DNAJC3: variants seen among roughly 807,000 people sequenced by gnomAD.
The protein encoded by DNAJC3 is DnaJ heat shock protein family (Hsp40) member C3.
A neutral mutation model predicts 68.6 loss-of-function variants in DNAJC3; 38 were observed. The ratio of observed to expected loss-of-function variants is 0.55; its 90% CI spans 0.43 to 0.73. The LOEUF (loss-of-function observed/expected upper bound fraction) is 0.73, where lower values mean the gene tolerates loss of function less well. Ranked by LOEUF, DNAJC3 falls within the 30% of genes least tolerant of loss-of-function variation. DNAJC3 has a pLI of 0.00. For synonymous variants in DNAJC3, 203 were observed against 204.0 expected, an observed-to-expected ratio of 1.00 and a Z score of 0.04; for missense variants, 526 against 591.9, an observed-to-expected ratio of 0.89 and a Z score of 1.16.
intron 1 of DNAJC3, among the ~76,000 whole-genome samples, chr13:95,688,927 G>GGGGTGTGTGT (rs1555321769): frequency 3.1e-5 from 4 of 129,670 alleles, no homozygotes; most frequent in African/African-American, 1.2e-4. Context: ...TGATTGTGTG[G>GGGGTGTGTGT]GTGTGTGTGT....
intron 1 of DNAJC3, among the ~76,000 whole-genome samples, chr13:95,706,404 T>C (rs1880750149): frequency 6.6e-6 from 1 of 152,262 alleles, no homozygotes; most frequent in African/African-American, 2.4e-5. Context: ...TTCACCCTCC[T>C]GGTCTAGCAC....
chr13:95,738,188 T>C (rs992839947), intron 4 of DNAJC3, among the ~76,000 whole-genome samples: 2 of 148,182 alleles, frequency 1.3e-5, no homozygotes, highest in Admixed American at 6.8e-5. Flanking sequence ...GTCTGAGAGA[T>C]AGTTTGTTAT....
chr13:95,709,207 G>T lies in DNAJC3; in HGVS notation c.83-20G>T. The stretch of plus-strand genomic sequence containing the variant: ...TTAGTTCGTGGAAAGTTAACTGATT[G>T]TTTTTAATTTTATTTTTAGGTGCTG... On this transcript the variant is annotated intron_variant, in intron 1 of 11. Transcript: ENST00000602402. The T allele has an allele frequency of 1.1e-5, 17 of 1,487,948 alleles. No individual in the cohort carries two copies. The highest frequency in any genetic ancestry group is 1.5e-5 in the Non-Finnish European group (17 of 1,110,194). 92.2% of individuals were successfully genotyped at this position (1,487,948 alleles called of 1,614,324 possible).
rs1321381104 is a variant in DNAJC3, at chr13:95,723,323, C to T, written c.275C>T (p.Pro92Leu). 2.5e-6 allele frequency: 4 copies of T among 1,611,400 alleles called. No homozygotes were observed. The Admixed American group carries it at 6.7e-5, about 27-fold the overall frequency. Residue 92 changes from proline (P) to leucine (L), a missense_variant, in exon 3 of 12, where the codon CCT becomes CTT. By Grantham distance (98) the Pro-to-Leu change is moderately conservative (BLOSUM62 -3). Transcript: ENST00000602402. ...LAMGKSKAAL[P>L]DLTKVIQLKM... ...ATGGGCAAATCAAAAGCTGCACTTCCTGATTTAACTAAAGTGATTCAATTG... is the reference window on the plus strand; with the variant it reads ...ATGGGCAAATCAAAAGCTGCACTTCTTGATTTAACTAAAGTGATTCAATTG...
intron 4 of DNAJC3, among the ~76,000 whole-genome samples, chr13:95,757,032 C>G (rs1008296276): frequency 1.3e-5 from 2 of 152,094 alleles, no homozygotes; most frequent in African/African-American, 4.8e-5. Context: ...TAAATTATGT[C>G]TTTATAAAGT....
intron 1 of DNAJC3, chr13:95,692,531 A>G (rs1260200314): frequency 4.6e-5 from 7 of 152,080 alleles, no homozygotes; most frequent in African/African-American, 1.7e-4. Context: ...ATAAATAATA[A>G]TAACCCCAGG....
Position 95,679,349 on chromosome 13 carries a change from A to T in DNAJC3, c.82+2012A>T, listed in dbSNP as rs573636715. On this transcript the variant is annotated intron_variant, in intron 1 of 11. Coordinates refer to ENST00000602402, the MANE Select transcript of DNAJC3 (RefSeq NM_006260.5). Reference sequence around the variant, plus strand: ...GTACCCCACTTACAGAGTTTGATTCATTAGGTCTTGATGGGACCTGAAATT... The same window carrying T: ...GTACCCCACTTACAGAGTTTGATTCTTTAGGTCTTGATGGGACCTGAAATT... Among the ~76,000 whole-genome samples the T allele has an allele frequency of 9.9e-5, 15 of 152,206 alleles. 1 individual carries two copies. In the South Asian group the frequency reaches 2.5e-3, roughly 25 times the overall value.
At chr13:95,710,511 A>G (rs909390479) in intron 2 of DNAJC3, among the ~76,000 whole-genome samples, 6 of 152,120 alleles carry the variant, frequency 3.9e-5, no homozygotes, top group African/African-American at 1.4e-4. Context: ...GATTGTATGC[A>G]TGAGCCACCA....
At chr13:95,772,965 G>GT (rs1883194169) in intron 9 of DNAJC3, among the ~76,000 whole-genome samples, 1 of 152,106 alleles carries the variant, frequency 6.6e-6, no homozygotes, top group Non-Finnish European at 1.5e-5. Context: ...AGAGTTCAGT[G>GT]TTAAGGATGT....
rs1010497823 is a variant in DNAJC3 at position 95,794,771 on chromosome 13, A to G, written c.*3741A>G. The G allele has an allele frequency of 6.6e-6, 1 of 152,230 alleles. No individual in the cohort carries two copies. The highest frequency in any genetic ancestry group is 6.5e-5 in the Admixed American group (1 of 15,288). 9.4% of individuals were successfully genotyped at this position (152,230 alleles called of 1,614,324 possible). ...GGAAAGCCGAGCAAGGAGGAGGTAAACATTGGAGATGTTTGTGAAAATATT... is the reference window on the plus strand; with the variant it reads ...GGAAAGCCGAGCAAGGAGGAGGTAAGCATTGGAGATGTTTGTGAAAATATT... On this transcript the variant is annotated 3_prime_UTR_variant, in exon 12 of 12. Coordinates refer to ENST00000602402, the MANE Select transcript of DNAJC3 (RefSeq NM_006260.5).
At chr13:95,745,794 TGA>T (rs1261492250) in intron 4 of DNAJC3, 1 of 152,206 alleles carries the variant, frequency 6.6e-6, no homozygotes, top group Non-Finnish European at 1.5e-5. Flanking sequence ...TTATTTAGGT[TGA>T]CACTCTTTTG....
At chr13:95,712,415 C>G (rs1324106183) in intron 2 of DNAJC3, among the ~76,000 whole-genome samples, 1 of 150,758 alleles carries the variant, frequency 6.6e-6, no homozygotes, top group Non-Finnish European at 1.5e-5. Context: ...GCTGTGTCAC[C>G]CAGGAAGCTG....
intron 9 of DNAJC3, 83 bp downstream of exon 9, chr13:95,764,036 A>G: frequency 6.5e-7 from 1 of 1,545,204 alleles, no homozygotes; most frequent in Admixed American, 2.1e-5. Context: ...TCCTTAAAAC[A>G]AATTTACCAG....
chr13:95,715,106 A>G (rs1332385912), intron 2 of DNAJC3, among the ~76,000 whole-genome samples: 2 of 152,238 alleles, frequency 1.3e-5, no homozygotes, highest in Non-Finnish European at 2.9e-5. Context: ...TCTGAATAAC[A>G]GGCAGTGTGG....
chr13:95,741,646 A>G (rs951525832), intron 4 of DNAJC3, among the ~76,000 whole-genome samples: 7 of 151,960 alleles, frequency 4.6e-5, no homozygotes, highest in Non-Finnish European at 8.8e-5. Context: ...CAATGACAGT[A>G]GCATTGGTGG....
intron 1 of DNAJC3, among the ~76,000 whole-genome samples, chr13:95,690,706 C>T: frequency 6.9e-6 from 1 of 145,568 alleles, no homozygotes; most frequent in East Asian, 2.1e-4. Flanking sequence ...GCTGGCTGGG[C>T]AGAGAGGCTC....
chr13:95,763,792 G>A, intron 8 of DNAJC3, 41 bp from the exon 9 acceptor site: 1 of 1,613,840 alleles, frequency 6.2e-7, no homozygotes, highest in Middle Eastern at 1.7e-4. Flanking sequence ...CTCAACATGT[G>A]GAATACCAAC....
At chr13:95,691,937 C>T (rs537978543) in intron 1 of DNAJC3, among the ~76,000 whole-genome samples, 26 of 152,310 alleles carry the variant, frequency 1.7e-4, no homozygotes, top group Non-Finnish European at 3.1e-4. Flanking sequence ...CGCCTGCAAT[C>T]GCAGGCACTG....
At chr13:95,770,556 C>T (rs977695483) in intron 9 of DNAJC3, among the ~76,000 whole-genome samples, 2 of 152,188 alleles carry the variant, frequency 1.3e-5, no homozygotes, top group East Asian at 3.8e-4. Context: ...ATGTATAGAG[C>T]ATGTTAGCGT....
Sources: allele counts gnomAD v4.1 joint callset (sites outside exome capture counted in the v4.1 genomes callset), GRCh38; gene constraint gnomAD v4.1.1; transcripts MANE v1.5; gene names NCBI Gene and HGNC (gene_info 2026-07-23, HGNC 2026-07-21).